Variants in AP4E1 observed in about 807,000 individuals in gnomAD.
The protein encoded by AP4E1 is AP-4 complex subunit epsilon-1.
A neutral mutation model predicts 128.2 loss-of-function variants in AP4E1; 56 were observed. That is an observed-to-expected ratio of 0.44 (90% confidence interval 0.35 to 0.55). The LOEUF (loss-of-function observed/expected upper bound fraction) is 0.55, where lower values mean the gene tolerates loss of function less well. Among genes scored for constraint, AP4E1 ranks in the 20% least tolerant of loss-of-function variants. AP4E1 has a pLI of 0.00. For synonymous variants in AP4E1, 484 were observed against 473.1 expected (o/e 1.02, Z -0.30); for missense variants, 1,324 against 1,307.7 (o/e 1.01, Z -0.19).
chr15:50,926,480 G>A lies in AP4E1; in HGVS notation c.542+1261G>A, dbSNP rs1003986726. On this transcript the variant is annotated intron_variant, in intron 5 of 20. Coordinates refer to ENST00000261842, the MANE Select transcript of AP4E1 (RefSeq NM_007347.5). ...AAAGGTTTGCAATCATTGTGATTAT[G>A]GTATGTCAGTTATATATTCTTGATG... Among the ~76,000 whole-genome samples, 9 of 151,992 alleles carry A rather than the reference G, an allele frequency of 5.9e-5. No individual in the cohort carries two copies. The East Asian group carries it at 1.4e-3, about 23-fold the overall frequency.
intron 15 of AP4E1, among the ~76,000 whole-genome samples, chr15:50,979,346 T>C (rs1329740180): frequency 1.3e-5 from 2 of 152,174 alleles, no homozygotes; most frequent in Non-Finnish European, 2.9e-5. Context: ...CCTTCATGAA[T>C]TGATTAATGT....
chr15:50,932,860 G>A (rs1328277374), intron 7 of AP4E1, among the ~76,000 whole-genome samples: 5 of 152,170 alleles, frequency 3.3e-5, no homozygotes, highest in Non-Finnish European at 7.4e-5. Flanking sequence ...CATTAGAAAT[G>A]ATTGTCTTAA....
intron 14 of AP4E1, among the ~76,000 whole-genome samples, chr15:50,964,955 CCACACACACACACA>C (rs55825810): frequency 3.9e-4 from 51 of 131,460 alleles, no homozygotes; most frequent in African/African-American, 1.3e-3. Context: ...CCTCCCCCTA[CCACACACACACACA>C]CACACACACA....
intron 3 of AP4E1, among the ~76,000 whole-genome samples, chr15:50,916,548 T>A (rs868782059): frequency 1.3e-5 from 2 of 152,224 alleles, no homozygotes; most frequent in African/African-American, 4.8e-5. Flanking sequence ...AAGTTGATAA[T>A]GTCATGTCGT....
At chr15:50,964,273 C>G (rs1262821740) in intron 14 of AP4E1, among the ~76,000 whole-genome samples, 1 of 152,024 alleles carries the variant, frequency 6.6e-6, no homozygotes, top group African/African-American at 2.4e-5. Context: ...CTTGGTTATA[C>G]TTTTTATTTC....
intron 14 of AP4E1, among the ~76,000 whole-genome samples, chr15:50,962,718 A>G (rs2064332194): frequency 6.6e-6 from 1 of 151,976 alleles, no homozygotes; most frequent in Non-Finnish European, 1.5e-5. Flanking sequence ...TAAGACTTCA[A>G]AAGCACAGGC....
At chr15:50,925,647 T>TTTTTA (rs2063759163) in intron 5 of AP4E1, among the ~76,000 whole-genome samples, 1 of 151,370 alleles carries the variant, frequency 6.6e-6, no homozygotes. Context: ...TTTTTTTTTT[T>TTTTTA]GAGACAGAGT....
rs868343116 is a variant in AP4E1 at position 50,984,834 on chromosome 15, T to G, written c.2090+689T>G. On this transcript the variant is annotated intron_variant, in intron 16 of 20. Transcript: ENST00000261842. ...TTGGGTATATACCCAGTAATGGGAT[T>G]GCTGGGTCAAATGGTATTTCTAGTT... Among the ~76,000 whole-genome samples the G allele has an allele frequency of 3.2e-3, 481 of 150,656 alleles. 3 individuals carry two copies. The highest frequency in any genetic ancestry group is 0.011 in the African/African-American group (460 of 40,320).
At chr15:50,951,874 A>G (rs2064155584) in intron 13 of AP4E1, among the ~76,000 whole-genome samples, 1 of 151,688 alleles carries the variant, frequency 6.6e-6, no homozygotes, top group African/African-American at 2.4e-5. Flanking sequence ...TTACAGGCAC[A>G]CGCCACTGCT....
At chr15:50,920,988 A>G (rs2141140146) in intron 3 of AP4E1, among the ~76,000 whole-genome samples, 1 of 151,738 alleles carries the variant, frequency 6.6e-6, no homozygotes, top group African/African-American at 2.4e-5. Flanking sequence ...TTTTTGGTAG[A>G]AACAGGGTTT....
At chr15:50,951,726 C>CTTTTT (rs71127166) in intron 13 of AP4E1, among the ~76,000 whole-genome samples, 10 of 126,020 alleles carry the variant, frequency 7.9e-5, no homozygotes, top group African/African-American at 2.4e-4. Flanking sequence ...AATTTTCTTT[C>CTTTTT]TTTTTTTTTT....
chr15:50,937,677 G>C (rs924713426), intron 8 of AP4E1, among the ~76,000 whole-genome samples: 11 of 152,330 alleles, frequency 7.2e-5, no homozygotes, highest in Admixed American at 4.6e-4. Context: ...GATGTGATAG[G>C]ACCCTGAAAG....
upstream of AP4E1, among the ~76,000 whole-genome samples, chr15:50,907,533 A>G (rs1389039015): frequency 6.6e-6 from 1 of 151,960 alleles, no homozygotes; most frequent in African/African-American, 2.4e-5. Flanking sequence ...CACCTACCTA[A>G]CCTACCTCCT....
intron 14 of AP4E1, among the ~76,000 whole-genome samples, chr15:50,967,314 A>G (rs1215007204): frequency 6.6e-6 from 1 of 152,246 alleles, no homozygotes; most frequent in African/African-American, 2.4e-5. Flanking sequence ...GTGATGGGGC[A>G]GTTATCCTAG....
In AP4E1 at chr15:50,940,980, C is replaced by T. The variant is rs556628017; in HGVS notation, c.944-462C>T. On this transcript the variant is annotated intron_variant, in intron 8 of 20. Coordinates refer to ENST00000261842, the MANE Select transcript of AP4E1 (RefSeq NM_007347.5). ...ATAAACTACATACGCAATTTTGGCA[C>T]GTAAATGGTCGAAACTATTTGAGAA... 2.6e-5 allele frequency among the ~76,000 whole-genome samples: 4 copies of T among 152,076 alleles called. No individual in the cohort carries two copies. In the East Asian group the frequency reaches 5.8e-4, roughly 22 times the overall value.
chr15:50,999,759 A>G (rs1484711953), intron 19 of AP4E1, among the ~76,000 whole-genome samples: 1 of 152,022 alleles, frequency 6.6e-6, no homozygotes, highest in African/African-American at 2.4e-5. Flanking sequence ...TGTGTAGGTT[A>G]GTTACATATG....
chr15:50,980,845 C>T (rs1474382305), intron 15 of AP4E1, among the ~76,000 whole-genome samples: 1 of 152,122 alleles, frequency 6.6e-6, no homozygotes, highest in African/African-American at 2.4e-5. Flanking sequence ...AAGCCATAAA[C>T]CTTGGTGGCA....
chr15:51,000,967 G>GT lies in AP4E1; in HGVS notation c.3096-57dup, dbSNP rs3840015. The GT allele has an allele frequency of 0.6, 809,936 of 1,349,912 alleles. 246,290 individuals carry two copies. The highest frequency in any genetic ancestry group is 0.62 in the African/African-American group (42,855 of 69,166). 83.6% of individuals were successfully genotyped at this position (1,349,912 alleles called of 1,614,324 possible). On this transcript the variant is annotated intron_variant, in intron 19 of 20. Transcript: ENST00000261842. ...TATTCTCATGAGGCATTTGAAATTT[G>GT]TTGTTTAGAATCATTTCACTGTTTT...
At chr15:50,978,216 A>G in intron 15 of AP4E1, among the ~76,000 whole-genome samples, 1 of 152,208 alleles carries the variant, frequency 6.6e-6, no homozygotes, top group East Asian at 1.9e-4. Context: ...AAAGCATTTC[A>G]GAATCTGTGG....
Sources: allele counts gnomAD v4.1 joint callset (sites outside exome capture counted in the v4.1 genomes callset), GRCh38; gene constraint gnomAD v4.1.1; transcripts MANE v1.5; gene names NCBI Gene and HGNC (gene_info 2026-07-23, HGNC 2026-07-21).